The following CDH4 variants were observed in gnomAD, a reference collection of about 807,000 sequenced individuals.
The protein encoded by CDH4 is cadherin 4.
A neutral mutation model predicts 86.0 loss-of-function variants in CDH4; 33 were observed. The ratio of observed to expected loss-of-function variants is 0.38; its 90% CI spans 0.29 to 0.51. The LOEUF (loss-of-function observed/expected upper bound fraction) is 0.51. CDH4 is among the 20% of genes least tolerant of loss of function. CDH4 has a pLI of 0.86. For synonymous variants in CDH4, 555 were observed against 549.4 expected, an observed-to-expected ratio of 1.01 and a Z score of -0.14; for missense variants, 1,114 against 1,307.4, an observed-to-expected ratio of 0.85 and a Z score of 2.28.
At chr20:61,872,202 G>A (rs1983835043) in intron 6 of CDH4, among the ~76,000 whole-genome samples, 1 of 152,214 alleles carries the variant, frequency 6.6e-6, no homozygotes, top group South Asian at 2.1e-4. Context: ...CCAGGTCACA[G>A]GGACAGCATG....
intron 2 of CDH4, among the ~76,000 whole-genome samples, chr20:61,502,929 G>A (rs2085714964): frequency 6.6e-6 from 1 of 152,152 alleles, no homozygotes; most frequent in Non-Finnish European, 1.5e-5. Flanking sequence ...CTAAAACAGT[G>A]GGATCACACT....
intron 2 of CDH4, among the ~76,000 whole-genome samples, chr20:61,451,647 C>T (rs116603704): frequency 0.018 from 2,711 of 151,726 alleles, 40 homozygotes; most frequent in African/African-American, 0.038. Context: ...GCTGGGGTCG[C>T]CAAGGAAAAC....
chr20:61,733,465 G>A (rs966643805), intron 2 of CDH4, among the ~76,000 whole-genome samples: 1 of 152,138 alleles, frequency 6.6e-6, no homozygotes, highest in African/African-American at 2.4e-5. Flanking sequence ...GCCTCGGGAT[G>A]CATGCTTCCT....
rs993235802 is a variant in CDH4 at position 61,498,593 on chromosome 20, C to T, written c.169+243656C>T. On this transcript the variant is annotated intron_variant, in intron 2 of 15. Transcript: ENST00000614565. ...CCTGTTACAATCTGCAGGTGAACCT[C>T]ACAGGGCCACAGGAGGACCTCCCAA... 3.3e-5 allele frequency among the ~76,000 whole-genome samples: 5 copies of T among 152,146 alleles called. No individual in the cohort carries two copies. The South Asian group carries it at 8.3e-4, about 25-fold the overall frequency.
At chr20:61,326,646 G>A (rs533908419) in intron 2 of CDH4, among the ~76,000 whole-genome samples, 2 of 152,320 alleles carry the variant, frequency 1.3e-5, no homozygotes, top group East Asian at 3.9e-4. Flanking sequence ...TCATGGGAGA[G>A]CCTATGTGGC....
chr20:61,744,129 C>T (rs1028613913), intron 3 of CDH4, among the ~76,000 whole-genome samples: 6 of 152,172 alleles, frequency 3.9e-5, no homozygotes, highest in Non-Finnish European at 8.8e-5. Context: ...TCCTACCTCC[C>T]GAAGTTTGTA....
intron 2 of CDH4, among the ~76,000 whole-genome samples, chr20:61,322,241 C>A (rs1015714157): frequency 2.6e-5 from 4 of 152,306 alleles, no homozygotes; most frequent in Admixed American, 2.6e-4. Flanking sequence ...CTAACTACCC[C>A]CCATCCCCTC....
intron 4 of CDH4, among the ~76,000 whole-genome samples, chr20:61,817,698 G>A (rs1203616860): frequency 1.1e-4 from 16 of 152,298 alleles, no homozygotes; most frequent in South Asian, 8.3e-4. Context: ...TAGCTATGCC[G>A]GGGCATCCAC....
chr20:61,909,525 C>T (rs1363334536), intron 8 of CDH4, among the ~76,000 whole-genome samples: 1 of 152,180 alleles, frequency 6.6e-6, no homozygotes, highest in Non-Finnish European at 1.5e-5. Flanking sequence ...GTCTTGCTCC[C>T]TCTAAAGACT....
chr20:61,415,015 G>A (rs2085139118), intron 2 of CDH4, among the ~76,000 whole-genome samples: 6 of 152,234 alleles, frequency 3.9e-5, no homozygotes, highest in Admixed American at 3.9e-4. Flanking sequence ...ACCAGCCGGA[G>A]GGAGGCTGGG....
intron 2 of CDH4, among the ~76,000 whole-genome samples, chr20:61,357,239 T>C (rs1304032431): frequency 6.6e-6 from 1 of 152,206 alleles, no homozygotes; most frequent in African/African-American, 2.4e-5. Context: ...TTGTTAGTTA[T>C]CCAGTTTTGC....
At chr20:61,637,747 G>A (rs1190952352) in intron 2 of CDH4, among the ~76,000 whole-genome samples, 3 of 152,198 alleles carry the variant, frequency 2.0e-5, no homozygotes, top group Admixed American at 6.5e-5. Flanking sequence ...ATGGCCGGGT[G>A]TGGTGGCTCA....
chr20:61,895,140 G>T, intron 8 of CDH4, 93 bp downstream of exon 8: 3 of 1,446,434 alleles, frequency 2.1e-6, no homozygotes, highest in Non-Finnish European at 2.8e-6. Context: ...CTGCGGCTCT[G>T]CCTGACGGGC....
At chr20:61,380,293 T>C (rs1172452056) in intron 2 of CDH4, among the ~76,000 whole-genome samples, 5 of 152,198 alleles carry the variant, frequency 3.3e-5, no homozygotes, top group South Asian at 2.1e-4. Flanking sequence ...TGCAGCTAAA[T>C]TAATACCTTT....
chr20:61,761,201 G>A (rs758739524), intron 3 of CDH4, among the ~76,000 whole-genome samples: 9 of 152,222 alleles, frequency 5.9e-5, no homozygotes, highest in South Asian at 2.1e-4. Context: ...GTAAATATCC[G>A]TACTAGGTTT....
At chr20:61,738,694 G>GC (rs2088295938) in intron 2 of CDH4, 1 of 152,202 alleles carries the variant, frequency 6.6e-6, no homozygotes. Flanking sequence ...CCACACCACC[G>GC]CCCCCATCCT....
chr20:61,498,211 A>T (rs78883363), intron 2 of CDH4, among the ~76,000 whole-genome samples: 1 of 149,740 alleles, frequency 6.7e-6, no homozygotes, highest in Non-Finnish European at 1.5e-5. Context: ...TATAATAATA[A>T]AAAAAAAAGG....
intron 2 of CDH4, among the ~76,000 whole-genome samples, chr20:61,331,874 C>T (rs191626806): frequency 5.9e-5 from 9 of 152,254 alleles, no homozygotes; most frequent in Admixed American, 2.6e-4. Flanking sequence ...TGGTGCTGAA[C>T]GGTGCCTGGC....
chr20:61,499,347 T>C (rs2085684108), intron 2 of CDH4: 1 of 827,168 alleles, frequency 1.2e-6, no homozygotes, highest in Admixed American at 2.4e-5. Context: ...TTTCGCCACC[T>C]AGAAGGATAG....
Sources: gnomAD v4.1 joint callset for allele counts (sites outside exome capture counted in the v4.1 genomes callset) on GRCh38, gnomAD v4.1.1 for gene constraint, MANE v1.5 for transcripts, NCBI Gene and HGNC (gene_info 2026-07-23, HGNC 2026-07-21) for gene names.